The following ZSWIM1 variants were observed in gnomAD, a reference collection of about 807,000 sequenced individuals.
The protein encoded by ZSWIM1 is zinc finger SWIM domain-containing protein 1.
In ZSWIM1, 22 loss-of-function variants were observed where a neutral mutation model predicts 29.3. The ratio of observed to expected loss-of-function variants is 0.75; its 90% CI spans 0.54 to 1.07. The LOEUF is 1.07. Among genes scored for constraint, ZSWIM1 ranks in the 50% least tolerant of loss-of-function variants. The pLI, the probability that ZSWIM1 is intolerant of heterozygous loss-of-function variation, is 0.00. For synonymous variants in ZSWIM1, 228 were observed against 240.8 expected, an observed-to-expected ratio of 0.95 and a Z score of 0.49; for missense variants, 511 against 596.2, an observed-to-expected ratio of 0.86 and a Z score of 1.49.
Position 45,884,105 on chromosome 20 carries a change from TACACACACACACACACACACACACAC to T in ZSWIM1, c.*68_*93del, listed in dbSNP as rs71181872. The stretch of plus-strand genomic sequence containing the variant: ...ACCTGTGCACACTCACATCCACCCA[TACACACACACACACACACACACACAC>T]ACACACACACACTCCCTTACACTGT... On this transcript the variant is annotated 3_prime_UTR_variant, in exon 2 of 2. Coordinates refer to ENST00000372523, the MANE Select transcript of ZSWIM1 (RefSeq NM_080603.5). The T allele has an allele frequency of 2.8e-5, 31 of 1,089,752 alleles. No homozygotes were observed. In the South Asian group the frequency reaches 3.9e-4, roughly 14 times the overall value. The allele number at this position is 1,089,752 out of a possible 1,614,324, so 67.5% of individuals were successfully genotyped here. A position where few individuals can be genotyped will look rare whatever the true frequency, so the allele number is the denominator to read the frequency against.
chr20:45,882,460 C>A (rs1986293259), intron 1 of ZSWIM1, 73 bp from the exon 2 acceptor site: 5 of 1,126,890 alleles, frequency 4.4e-6, no homozygotes, highest in Non-Finnish European at 6.3e-6. Flanking sequence ...AAGTGTTCAA[C>A]AAATATTGTG....
chr20:45,882,639 A>T lies in ZSWIM1; in HGVS notation c.47A>T (p.Lys16Met). 1 of 1,614,156 alleles carries T rather than the reference A, an allele frequency of 6.2e-7. No homozygotes were observed. Among genetic ancestry groups the T allele is most frequent in the East Asian group, 2.2e-5 (1 of 44,872 alleles). Residue 16 changes from lysine to methionine, a missense_variant, in exon 2 of 2, where the codon AAG (lysine) becomes ATG (methionine). Transcript: ENST00000372523. The stretch of plus-strand genomic sequence containing the variant: ...CCGTGGTCAGCTGCCCTGCAAAGAA[A>T]GTATTTTGACCTTGGCATTTGGACA... ...KAPWSAALQRKYFDLGIWTAP... is the reference protein window; with the variant it reads ...KAPWSAALQRMYFDLGIWTAP...
rs756140032 is a variant in ZSWIM1, at chr20:45,883,649, A to G, written c.1057A>G (p.Thr353Ala). 3.7e-6 allele frequency: 6 copies of G among 1,614,176 alleles called. No individual in the cohort carries two copies. The highest frequency in any genetic ancestry group is 5.1e-6 in the Non-Finnish European group (6 of 1,180,028). ...CGAGCTTGCTGTGGTCCAGAAATCC[A>G]CACACCTCATTGGCTCTGGCTCAGA... ...LGELAVVQKS[T>A]HLIGSGSEKM... is the part of the protein sequence containing the mutation. The change falls in exon 2 of 2, where the codon ACA becomes GCA. Residue 353 changes from threonine to alanine, a missense_variant. Thr to Ala is a moderately conservative substitution (Grantham distance 58). Transcript: ENST00000372523.
At position 45,882,921 on chromosome 20, in the gene ZSWIM1, G is replaced by A. The variant is rs115183195; in HGVS notation, c.329G>A (p.Arg110Gln). The change falls in exon 2 of 2, where the codon CGA (arginine) becomes CAA (glutamine). Residue 110 changes from arginine to glutamine, a missense_variant. Arg to Gln is a conservative substitution (Grantham distance 43). Transcript: ENST00000372523. ...PRVQLEGHLA[R>Q]AVYFAIPAKE... The stretch of plus-strand genomic sequence containing the variant: ...GTGCAGCTGGAGGGTCATCTTGCCC[G>A]AGCAGTCTACTTTGCCATCCCTGCC... 1.1e-4 allele frequency: 171 copies of A among 1,614,140 alleles called. No homozygotes were observed. The African/African-American group carries it at 1.7e-3, about 16-fold the overall frequency.
Position 45,883,141 on chromosome 20 carries a change from G to T in ZSWIM1, c.549G>T (p.Gln183His), listed in dbSNP as rs765414800. 2.5e-6 allele frequency: 4 copies of T among 1,614,108 alleles called. No homozygotes were observed. In the South Asian group the frequency reaches 4.4e-5, roughly 18 times the overall value. Residue 183 changes from glutamine to histidine, a missense_variant, in exon 2 of 2, where the codon CAG becomes CAT. Transcript: ENST00000372523. ...AGTTCCTCCAGGCCAAGTTCTATCA[G>T]CTGTCCCTTGAACGGCCCGTGGAAA... ...ICKFLQAKFY[Q>H]LSLERPVERL... is the part of the protein sequence containing the mutation.
At position 45,882,679 on chromosome 20, in the gene ZSWIM1, C is replaced by G. The variant is rs1986304909; in HGVS notation, c.87C>G (p.Pro29=). 5 of 1,614,104 alleles carry G rather than the reference C, an allele frequency of 3.1e-6. No individual in the cohort carries two copies. Among genetic ancestry groups the G allele is most frequent in the Non-Finnish European group, 4.2e-6 (5 of 1,180,038 alleles). ...DLGIWTAPIS[P]MALTMLNGLL... ...GCATTTGGACAGCTCCCATCTCTCC[C>G]ATGGCCCTGACAATGCTGAATGGGC... is the stretch of plus-strand genomic sequence containing the variant. Residue 29 remains proline (P), a synonymous_variant, in exon 2 of 2, where the codon CCC becomes CCG. Coordinates refer to ENST00000372523, the MANE Select transcript of ZSWIM1 (RefSeq NM_080603.5).
At position 45,881,273 on chromosome 20, in the gene ZSWIM1, C is replaced by T. The variant is rs1986252420; in HGVS notation, c.-61+12C>T. The T allele has an allele frequency of 6.6e-6, 1 of 152,426 alleles. No individual in the cohort carries two copies. Among genetic ancestry groups the T allele is most frequent in the Admixed American group, 6.5e-5 (1 of 15,268 alleles). The allele number at this position is 152,426 out of a possible 1,614,324, so 9.4% of individuals were successfully genotyped here. A position where few individuals can be genotyped will look rare whatever the true frequency, so the allele number is the denominator to read the frequency against. ...GAGCCTGGCTGTGGGTGAGTGCTTC[C>T]TGAAGGGGTGAAAGTGTGAGACAGC... is the stretch of plus-strand genomic sequence containing the variant. On this transcript the variant is annotated intron_variant, in intron 1 of 1. Coordinates refer to ENST00000372523, the MANE Select transcript of ZSWIM1 (RefSeq NM_080603.5).
At chr20:45,882,340 C>T (rs968188721) in intron 1 of ZSWIM1, among the ~76,000 whole-genome samples, 193 bp from the exon 2 acceptor site, 2 of 152,206 alleles carry the variant, frequency 1.3e-5, no homozygotes, top group African/African-American at 2.4e-5. Flanking sequence ...TACTCTCTGA[C>T]ATGTTACTCA....
At chr20:45,882,175 A>G (rs4812974) in intron 1 of ZSWIM1, among the ~76,000 whole-genome samples, 83,698 of 152,038 alleles carry the variant, frequency 0.55, 23,659 homozygotes, top group Admixed American at 0.64. Flanking sequence ...TTAAAAGGCC[A>G]TATGCAGCTC....
rs764917862 is a variant in ZSWIM1, at chr20:45,883,423, A to G, written c.831A>G (p.Gln277=). 1.2e-6 allele frequency: 2 copies of G among 1,614,110 alleles called. No individual in the cohort carries two copies. Among genetic ancestry groups the G allele is most frequent in the East Asian group, 4.5e-5 (2 of 44,902 alleles). ...TTGGTACCACCCCATCTGAGAAACA[A>G]GGTATGGCTTCTCTGTTCCGTTACA... The part of the protein sequence containing the change: ...QFFGTTPSEK[Q]GMASLFRYMQ... Residue 277 remains glutamine (Q), a synonymous_variant, in exon 2 of 2, where the codon CAA becomes CAG. Transcript: ENST00000372523.
At position 45,884,186 on chromosome 20, in the gene ZSWIM1, A is replaced by C; in HGVS notation, c.*136A>C. ...CTTCCGTGGGCCCTCCTTCCAGAAC[A>C]AGGACAACAAGGACAAGGTTGAAGG... On this transcript the variant is annotated 3_prime_UTR_variant, in exon 2 of 2. Coordinates refer to ENST00000372523, the MANE Select transcript of ZSWIM1 (RefSeq NM_080603.5). 8.4e-7 allele frequency: 1 copy of C among 1,194,212 alleles called. No homozygotes were observed. Among genetic ancestry groups the C allele is most frequent in the South Asian group, 1.5e-5 (1 of 64,524 alleles). 74.0% of individuals were successfully genotyped at this position (1,194,212 alleles called of 1,614,324 possible).
In ZSWIM1 at chr20:45,884,537, T is replaced by A. The variant is rs1986418004; in HGVS notation, c.*487T>A. On this transcript the variant is annotated 3_prime_UTR_variant, in exon 2 of 2. Coordinates refer to ENST00000372523, the MANE Select transcript of ZSWIM1 (RefSeq NM_080603.5). ...GCCACAATGCCGGGCTAATTTTTTG[T>A]ATTTTTAGTAGAGACGGGGTTTCAC... is the stretch of plus-strand genomic sequence containing the variant. The A allele has an allele frequency of 6.0e-6, 1 of 165,874 alleles. No homozygotes were observed. Among genetic ancestry groups the A allele is most frequent in the Non-Finnish European group, 1.5e-5 (1 of 68,176 alleles). 10.3% of individuals were successfully genotyped at this position (165,874 alleles called of 1,614,324 possible). A position where few individuals can be genotyped will look rare whatever the true frequency, so the allele number is the denominator to read the frequency against.
chr20:45,883,442 C>G lies in ZSWIM1; in HGVS notation c.850C>G (p.Arg284Gly). ...SEKQGMASLF[R>G]YMQQNSADKA... ...GAAACAAGGTATGGCTTCTCTGTTCCGTTACATGCAGCAGAACTCTGCAGA... is the reference window on the plus strand; with the variant it reads ...GAAACAAGGTATGGCTTCTCTGTTCGGTTACATGCAGCAGAACTCTGCAGA... Residue 284 changes from arginine to glycine, a missense_variant, in exon 2 of 2, where the codon CGT becomes GGT. Transcript: ENST00000372523. 1 of 1,614,228 alleles carries G rather than the reference C, an allele frequency of 6.2e-7. No individual in the cohort carries two copies. The highest frequency in any genetic ancestry group is 1.1e-5 in the South Asian group (1 of 91,086).
intron 1 of ZSWIM1, among the ~76,000 whole-genome samples, chr20:45,881,893 G>T (rs1986274398): frequency 6.6e-6 from 1 of 152,112 alleles, no homozygotes; most frequent in East Asian, 1.9e-4. Flanking sequence ...GTCACCCAGA[G>T]CTGGAGTGCA....
rs577019332 is a variant in ZSWIM1, at chr20:45,884,595, T to C, written c.*545T>C. 1.0e-4 allele frequency: 17 copies of C among 166,590 alleles called. No homozygotes were observed. Among genetic ancestry groups the C allele is most frequent in the East Asian group, 7.9e-4 (4 of 5,072 alleles). The allele number at this position is 166,590 out of a possible 1,614,324, so 10.3% of individuals were successfully genotyped here. A position where few individuals can be genotyped will look rare whatever the true frequency, so the allele number is the denominator to read the frequency against. ...GCCAGGATGGTCTCGATCTCCTGAC[T>C]TCGTGATCTGCCCGCCTCGGCCTCC... On this transcript the variant is annotated 3_prime_UTR_variant, in exon 2 of 2. Transcript: ENST00000372523.
chr20:45,882,066 G>T (rs895489781), intron 1 of ZSWIM1, among the ~76,000 whole-genome samples: 1 of 152,196 alleles, frequency 6.6e-6, no homozygotes, highest in Admixed American at 6.5e-5. Context: ...GGCCAGGCTG[G>T]TCTCGAACTC....
chr20:45,883,728 C>A lies in ZSWIM1; in HGVS notation c.1136C>A (p.Pro379His), dbSNP rs1393972670. The A allele has an allele frequency of 2.5e-6, 4 of 1,614,130 alleles. No homozygotes were observed. Among genetic ancestry groups the A allele is most frequent in the Non-Finnish European group, 2.5e-6 (3 of 1,180,042 alleles). ...ACCCATAAGGTGCAGCCCCAGCCCCCTGCCAGCTGCAGCTGCTACTTTAAC... is the reference window on the plus strand; with the variant it reads ...ACCCATAAGGTGCAGCCCCAGCCCCATGCCAGCTGCAGCTGCTACTTTAAC... ...EDTHKVQPQP[P>H]ASCSCYFNQA... Residue 379 changes from proline (P) to histidine (H), a missense_variant, in exon 2 of 2, where the codon CCT (proline) becomes CAT (histidine). Coordinates refer to ENST00000372523, the MANE Select transcript of ZSWIM1 (RefSeq NM_080603.5).
Position 45,884,176 on chromosome 20 carries a change from C to A in ZSWIM1, c.*126C>A. 4 of 1,349,858 alleles carry A rather than the reference C, an allele frequency of 3.0e-6. No homozygotes were observed. Among genetic ancestry groups the A allele is most frequent in the Non-Finnish European group, 4.0e-6 (4 of 993,562 alleles). 83.6% of individuals were successfully genotyped at this position (1,349,858 alleles called of 1,614,324 possible). ...CACTGTTGTACTTCCGTGGGCCCTC[C>A]TTCCAGAACAAGGACAACAAGGACA... On this transcript the variant is annotated 3_prime_UTR_variant, in exon 2 of 2. Transcript: ENST00000372523.
chr20:45,883,946 C>T lies in ZSWIM1; in HGVS notation c.1354C>T (p.Gln452Ter), dbSNP rs778597399. 2.5e-6 allele frequency: 4 copies of T among 1,614,178 alleles called. No homozygotes were observed. Among genetic ancestry groups the T allele is most frequent in the African/African-American group, 1.3e-5 (1 of 75,054 alleles). Residue 452 changes from glutamine (Q) to a stop codon, truncating the protein, a stop_gained, in exon 2 of 2, where the codon CAG becomes TAG. Coordinates refer to ENST00000372523, the MANE Select transcript of ZSWIM1 (RefSeq NM_080603.5). LOFTEE classifies it high-confidence loss of function. ...AVTHLTEEVG[Q>*]LLQHCTKEEF... is the part of the protein sequence containing the mutation. ...GACTCACCTCACCGAGGAGGTGGGTCAGCTGTTGCAGCACTGCACCAAGGA... is the reference window on the plus strand; with the variant it reads ...GACTCACCTCACCGAGGAGGTGGGTTAGCTGTTGCAGCACTGCACCAAGGA...
Sources: allele counts gnomAD v4.1 joint callset (sites outside exome capture counted in the v4.1 genomes callset), GRCh38; gene constraint gnomAD v4.1.1; transcripts MANE v1.5; gene names NCBI Gene and HGNC (gene_info 2026-07-23, HGNC 2026-07-21).